The following CRYBG3 variants were observed in gnomAD, a reference collection of about 807,000 sequenced individuals.
CRYBG3 encodes crystallin beta-gamma domain containing 3.
A neutral mutation model predicts 244.2 loss-of-function variants in CRYBG3; 127 were observed. That is an observed-to-expected ratio of 0.52 (90% CI 0.45 to 0.60). The LOEUF (loss-of-function observed/expected upper bound fraction) is 0.60. Among genes scored for constraint, CRYBG3 ranks in the 20% least tolerant of loss-of-function variants. CRYBG3 has a pLI of 0.00. For missense variants in CRYBG3, 3,325 were observed against 3,442.5 expected, an observed-to-expected ratio of 0.97 and a Z score of 0.85; for synonymous variants, 1,132 against 1,195.8, an observed-to-expected ratio of 0.95 and a Z score of 1.10.
Position 97,942,288 on chromosome 3 carries a change from G to A in CRYBG3, c.8669G>A (p.Ser2890Asn), listed in dbSNP as rs1363166483. ...ATCATTTCTTAACCCTTTTAGGCCAGTGATACATGTCTTGATGTGATTGGT... is the reference window on the plus strand; with the variant it reads ...ATCATTTCTTAACCCTTTTAGGCCAATGATACATGTCTTGATGTGATTGGT... ...YCRGLFKSKA[S>N]DTCLDVIGGR... Residue 2890 changes from serine to asparagine, a missense_variant, in exon 21 of 22, where the codon AGT becomes AAT. Physicochemically the swap from Ser to Asn is conservative, Grantham distance 46. This residue lies in a region of CRYBG3 where 714 missense variants were observed against 803.6 expected (regional missense o/e 0.89). Coordinates refer to ENST00000389622, the MANE Select transcript of CRYBG3 (RefSeq NM_153605.4). The A allele has an allele frequency of 1.2e-6, 2 of 1,606,164 alleles. No homozygotes were observed. The highest frequency in any genetic ancestry group is 1.7e-6 in the Non-Finnish European group (2 of 1,175,418).
chr3:97,874,100 A>C lies in CRYBG3; in HGVS notation c.2906A>C (p.Gln969Pro), dbSNP rs958816197. Residue 969 changes from glutamine to proline, a missense_variant, in exon 4 of 22, where the codon CAA becomes CCA. Around this residue, in one of 4 missense-constraint regions of CRYBG3, gnomAD observed 1,526 missense variants for 1,443.2 expected, o/e 1.06. Coordinates refer to ENST00000389622, the MANE Select transcript of CRYBG3 (RefSeq NM_153605.4). ...NCEAHTCVFH[Q>P]SLDICGTKKI... ...GAAGCTCACACTTGTGTGTTTCATC[A>C]ATCTTTGGATATTTGTGGGACTAAA... 16 of 1,535,548 alleles carry C rather than the reference A, an allele frequency of 1.0e-5. No homozygotes were observed. The highest frequency in any genetic ancestry group is 1.4e-5 in the Non-Finnish European group (16 of 1,146,768).
intron 1 of CRYBG3, among the ~76,000 whole-genome samples, chr3:97,841,241 T>TACATATATGTATATATGTGTATAC (rs574112962): frequency 4.0e-5 from 6 of 150,268 alleles, no homozygotes; most frequent in Non-Finnish European, 5.9e-5. Context: ...TGTGTGTATA[T>TACATATATGTATATATGTGTATAC]ACATATATGT....
At position 97,873,360 on chromosome 3, in the gene CRYBG3, C is replaced by T. The variant is rs1206333316; in HGVS notation, c.2166C>T (p.Cys722=). The T allele has an allele frequency of 1.3e-6, 2 of 1,535,860 alleles. No homozygotes were observed. Among genetic ancestry groups the T allele is most frequent in the East Asian group, 2.4e-5 (1 of 40,900 alleles). The part of the protein sequence containing the change: ...AGRKSPPPSF[C]LEYTSAIFEF... ...GGAAGAGTCCTCCTCCTTCCTTTTG[C>T]CTTGAATATACATCTGCAATTTTTG... is the stretch of plus-strand genomic sequence containing the variant. Residue 722 remains cysteine (C), a synonymous_variant, in exon 4 of 22, where the codon TGC becomes TGT. Coordinates refer to ENST00000389622, the MANE Select transcript of CRYBG3 (RefSeq NM_153605.4).
rs2038508088 is a variant in CRYBG3, at chr3:97,822,129, C to T, written c.-78C>T. 2.3e-6 allele frequency: 3 copies of T among 1,319,076 alleles called. No homozygotes were observed. Among genetic ancestry groups the T allele is most frequent in the Non-Finnish European group, 2.9e-6 (3 of 1,018,618 alleles). The allele number at this position is 1,319,076 out of a possible 1,614,324, so 81.7% of individuals were successfully genotyped here. Reference sequence around the variant, plus strand: ...TCTGCCCTAGCCGCATCCCGCGGCGCCCGGTCGGGCTCCGGGCACCAGGCA... The same window carrying T: ...TCTGCCCTAGCCGCATCCCGCGGCGTCCGGTCGGGCTCCGGGCACCAGGCA... On this transcript the variant is annotated 5_prime_UTR_variant, in exon 1 of 22. Transcript: ENST00000389622.
At chr3:97,897,849 T>G (rs2039656841) in intron 12 of CRYBG3, among the ~76,000 whole-genome samples, 2 of 152,210 alleles carry the variant, frequency 1.3e-5, no homozygotes, top group South Asian at 4.1e-4. Context: ...TAAGTCATTT[T>G]CTAAAATAGA....
rs751385638 is a variant in CRYBG3 at position 97,893,032 on chromosome 3, T to G, written c.7574+39T>G. 18 of 1,561,834 alleles carry G rather than the reference T, an allele frequency of 1.2e-5. No individual in the cohort carries two copies. The African/African-American group carries it at 2.4e-4, about 21-fold the overall frequency. On this transcript the variant is annotated intron_variant, in intron 11 of 21. Transcript: ENST00000389622. ...TTTTAACATTTGCACAAGTAGTCTG[T>G]TTTTGAAGGTCAGCACAAAAATGTG...
intron 17 of CRYBG3, among the ~76,000 whole-genome samples, chr3:97,921,769 C>T (rs1040852615): frequency 5.3e-5 from 8 of 152,100 alleles, no homozygotes; most frequent in Non-Finnish European, 1.2e-4. Context: ...GAGTTAACTG[C>T]GACTTTTCAG....
chr3:97,838,160 G>T lies in CRYBG3; in HGVS notation c.150-5035G>T, dbSNP rs541461808. ...TTTTTTTCCTTCCAGGTCCCACCCT[G>T]TACTTTCAGTGCTGTATGTGCTCAT... On this transcript the variant is annotated intron_variant, in intron 1 of 21. Transcript: ENST00000389622. Among the ~76,000 whole-genome samples the T allele has an allele frequency of 3.3e-5, 5 of 152,234 alleles. No homozygotes were observed. The South Asian group carries it at 1.0e-3, about 32-fold the overall frequency.
At chr3:97,892,268 C>G (rs192935844) in intron 10 of CRYBG3, among the ~76,000 whole-genome samples, 2 of 152,224 alleles carry the variant, frequency 1.3e-5, no homozygotes, top group Admixed American at 1.3e-4. Context: ...GCAGGCTGAA[C>G]CAACTGAGGT....
In CRYBG3 at chr3:97,872,651, A is replaced by G; in HGVS notation, c.1457A>G (p.Gln486Arg). 1 of 1,535,956 alleles carries G rather than the reference A, an allele frequency of 6.5e-7. No homozygotes were observed. The highest frequency in any genetic ancestry group is 8.7e-7 in the Non-Finnish European group (1 of 1,146,776). Residue 486 changes from glutamine (Q) to arginine (R), a missense_variant, in exon 4 of 22, where the codon CAA becomes CGA. By Grantham distance (43) the Gln-to-Arg change is conservative. Coordinates refer to ENST00000389622, the MANE Select transcript of CRYBG3 (RefSeq NM_153605.4). ...DKQTIDSSSK[Q>R]AATHTNIIAL... ...CAAACCATAGATAGCTCATCAAAGC[A>G]AGCTGCCACTCACACCAATATCATT...
chr3:97,924,531 T>C, intron 17 of CRYBG3: 1 of 366,802 alleles, frequency 2.7e-6, no homozygotes, highest in South Asian at 2.1e-5. Context: ...CTGAAATTGG[T>C]CTTACTGTGG....
intron 18 of CRYBG3, among the ~76,000 whole-genome samples, chr3:97,934,816 A>G (rs1454741895): frequency 2.6e-5 from 4 of 152,074 alleles, no homozygotes; most frequent in Non-Finnish European, 5.9e-5. Context: ...AATTAACTAA[A>G]TTTTACATCC....
intron 2 of CRYBG3, among the ~76,000 whole-genome samples, chr3:97,850,948 A>T (rs2038975713): frequency 6.6e-6 from 1 of 152,060 alleles, no homozygotes; most frequent in African/African-American, 2.4e-5. Flanking sequence ...CCTGGCCAAC[A>T]TGGTGAAACC....
chr3:97,893,089 C>A, intron 11 of CRYBG3, 96 bp downstream of exon 11: 1 of 1,063,100 alleles, frequency 9.4e-7, no homozygotes, highest in Non-Finnish European at 1.4e-6. Context: ...TGTTTTTAAT[C>A]TAAAAATATA....
In CRYBG3 at chr3:97,920,014, C is replaced by G. The variant is rs144364190; in HGVS notation, c.8241+4278C>G. ...CAAACTCCTGGGCTCAAGGGATCCA[C>G]CTGCCTCAGCCTCCCAAAGTGCTGG... On this transcript the variant is annotated intron_variant, in intron 17 of 21. Transcript: ENST00000389622. 6.4e-3 allele frequency among the ~76,000 whole-genome samples: 978 copies of G among 152,222 alleles called. 5 individuals are homozygous for G. The highest frequency in any genetic ancestry group is 0.014 in the Middle Eastern group (4 of 294).
chr3:97,824,465 GT>G (rs2038552270), intron 1 of CRYBG3, among the ~76,000 whole-genome samples: 1 of 152,058 alleles, frequency 6.6e-6, no homozygotes, highest in Non-Finnish European at 1.5e-5. Flanking sequence ...TCCTGAAACT[GT>G]TTTTTTGCCT....
At chr3:97,883,141 T>A (rs1294596155) in intron 7 of CRYBG3, among the ~76,000 whole-genome samples, 1 of 152,266 alleles carries the variant, frequency 6.6e-6, no homozygotes, top group South Asian at 2.1e-4. Flanking sequence ...CTGGGAGATA[T>A]GAGGGAGTTC....
intron 2 of CRYBG3, among the ~76,000 whole-genome samples, chr3:97,860,019 C>A (rs1173703809): frequency 6.6e-6 from 1 of 152,152 alleles, no homozygotes; most frequent in Non-Finnish European, 1.5e-5. Context: ...TGTCCTGGAA[C>A]TTAAAATGGA....
chr3:97,887,869 T>G (rs1247432978), intron 8 of CRYBG3, among the ~76,000 whole-genome samples: 1 of 152,182 alleles, frequency 6.6e-6, no homozygotes, highest in Non-Finnish European at 1.5e-5. Context: ...ATGGGTCTTT[T>G]GGGAATCCAA....
Sources: gnomAD v4.1 joint callset for allele counts (sites outside exome capture counted in the v4.1 genomes callset) on GRCh38, gnomAD v4.1.1 for gene constraint, gnomAD v4.1.1 regional missense constraint, MANE v1.5 for transcripts, NCBI Gene and HGNC (gene_info 2026-07-23, HGNC 2026-07-21) for gene names.